The following WDR49 variants were observed in gnomAD, a reference collection of about 807,000 sequenced individuals.
WDR49 encodes WD repeat domain 49, also known as cilia- and flagella-associated protein 337.
In WDR49, 107 loss-of-function variants were observed where a neutral mutation model predicts 119.5. The observed-to-expected ratio is 0.90, with a 90% CI of 0.77 to 1.05. The LOEUF is 1.05. Among genes scored for constraint, WDR49 ranks in the 50% least tolerant of loss-of-function variants. The pLI is 0.00. For missense variants in WDR49, 1,240 were observed against 1,220.5 expected (o/e 1.02, Z -0.24); for synonymous variants, 425 against 418.8 (o/e 1.01, Z -0.18).
intron 6 of WDR49, among the ~76,000 whole-genome samples, chr3:167,604,033 T>A (rs1715911187): frequency 6.6e-6 from 1 of 152,002 alleles, no homozygotes; most frequent in Admixed American, 6.6e-5. Flanking sequence ...TCCTTCTCTA[T>A]ATCATTTTAC....
upstream of WDR49, among the ~76,000 whole-genome samples, chr3:167,655,524 A>T (rs939981141): frequency 6.6e-6 from 1 of 152,206 alleles, no homozygotes; most frequent in Non-Finnish European, 1.5e-5. Flanking sequence ...TCCTGTACCC[A>T]TTATAGAAAA....
At chr3:167,651,685 C>A (rs563318494) in intron 2 of WDR49, among the ~76,000 whole-genome samples, 133 of 152,188 alleles carry the variant, frequency 8.7e-4, no homozygotes, top group African/African-American at 3.1e-3. Flanking sequence ...ACCTTCTCTT[C>A]TCCTCTTTGG....
At chr3:167,514,628 G>GACACACACACAC (rs59265631) in intron 16 of WDR49, among the ~76,000 whole-genome samples, 2 of 140,932 alleles carry the variant, frequency 1.4e-5, no homozygotes, top group African/African-American at 2.6e-5. Context: ...AGGAGATGCA[G>GACACACACACAC]ACACACACAC....
chr3:167,508,075 G>T (rs1402321749), intron 16 of WDR49, among the ~76,000 whole-genome samples: 1 of 152,182 alleles, frequency 6.6e-6, no homozygotes, highest in Non-Finnish European at 1.5e-5. Context: ...GAGGAGGAAA[G>T]GCTCTAACTA....
chr3:167,578,748 C>A (rs2108286282), intron 7 of WDR49, among the ~76,000 whole-genome samples: 1 of 152,236 alleles, frequency 6.6e-6, no homozygotes, highest in African/African-American at 2.4e-5. Flanking sequence ...GCTATGATTT[C>A]TTTAAAGCAG....
rs1200012705 is a variant in WDR49 at position 167,629,703 on chromosome 3, TC to T, written c.166-2412del. Among the ~76,000 whole-genome samples, 5 of 152,208 alleles carry T rather than the reference TC, an allele frequency of 3.3e-5. No individual in the cohort carries two copies. The East Asian group carries it at 9.7e-4, about 29-fold the overall frequency. The stretch of plus-strand genomic sequence containing the variant: ...AATATTCATAATTCATGGGAGGAAG[TC>T]AAAATGTCAAAATTAACAGGAGTTT... On this transcript the variant is annotated intron_variant, in intron 2 of 18. Transcript: ENST00000682715.
At chr3:167,491,906 C>T (rs1751147488) in intron 18 of WDR49, among the ~76,000 whole-genome samples, 1 of 152,114 alleles carries the variant, frequency 6.6e-6, no homozygotes, top group African/African-American at 2.4e-5. Context: ...AAAAACCCAG[C>T]AGGTATGGCT....
chr3:167,575,289 C>T (rs1205281646), intron 8 of WDR49: 1 of 985,958 alleles, frequency 1.0e-6, no homozygotes, highest in East Asian at 1.1e-4. Flanking sequence ...CCAAGAAGGG[C>T]TGTGGTCTGC....
At chr3:167,509,851 A>G (rs2108218420) in intron 16 of WDR49, among the ~76,000 whole-genome samples, 1 of 152,366 alleles carries the variant, frequency 6.6e-6, no homozygotes, top group South Asian at 2.1e-4. Flanking sequence ...GTTGTTGTCC[A>G]TGGATACTCA....
rs572905271 is a variant in WDR49 at position 167,567,988 on chromosome 3, G to C, written c.1510-7760C>G. Among the ~76,000 whole-genome samples, 75 of 152,322 alleles carry C rather than the reference G, an allele frequency of 4.9e-4. No individual in the cohort carries two copies. In the South Asian group the frequency reaches 5.2e-3, roughly 11 times the overall value. On this transcript the variant is annotated intron_variant, in intron 8 of 18. Transcript: ENST00000682715. ...CAGAGGTTAGCAGCTTTATAGACAAGTGCTGTCCTGATCATAAACCTGGCT... is the reference window on the plus strand; with the variant it reads ...CAGAGGTTAGCAGCTTTATAGACAACTGCTGTCCTGATCATAAACCTGGCT...
chr3:167,495,356 A>ATATG (rs1751313614), intron 18 of WDR49, among the ~76,000 whole-genome samples: 1 of 151,284 alleles, frequency 6.6e-6, no homozygotes, highest in African/African-American at 2.4e-5. Flanking sequence ...GTATATAAAT[A>ATATG]TGTGTGTATA....
At chr3:167,526,090 C>G (rs2108236612) in intron 15 of WDR49, among the ~76,000 whole-genome samples, 1 of 152,126 alleles carries the variant, frequency 6.6e-6, no homozygotes, top group East Asian at 1.9e-4. Flanking sequence ...GATTTGCTAG[C>G]CTTCAATTTG....
chr3:167,641,286 A>T (rs1373171457), intron 2 of WDR49, among the ~76,000 whole-genome samples: 3 of 151,800 alleles, frequency 2.0e-5, no homozygotes, highest in Non-Finnish European at 2.9e-5. Flanking sequence ...TTCTAAGAAC[A>T]TTTGCTTTCC....
chr3:167,545,485 C>CAT (rs966276979), intron 10 of WDR49, among the ~76,000 whole-genome samples: 4 of 113,590 alleles, frequency 3.5e-5, no homozygotes, highest in African/African-American at 9.7e-5. Flanking sequence ...GAAAATGTAC[C>CAT]ATATATATAT....
chr3:167,599,667 AT>A (rs2108303739), intron 7 of WDR49, among the ~76,000 whole-genome samples: 1 of 152,318 alleles, frequency 6.6e-6, no homozygotes, highest in Admixed American at 6.5e-5. Context: ...GCCACCAGAG[AT>A]AGTAATATTC....
In WDR49 at chr3:167,622,207, G is replaced by A. The variant is rs191676506; in HGVS notation, c.607-564C>T. 1.5e-3 allele frequency among the ~76,000 whole-genome samples: 227 copies of A among 152,046 alleles called. 1 individual carries two copies. Among genetic ancestry groups the A allele is most frequent in the Non-Finnish European group, 7.2e-4 (49 of 67,966 alleles). The stretch of plus-strand genomic sequence containing the variant: ...TTCAATTCAACTATTATATATATGT[G>A]CAAACAACTAAAGAAAACAAGATCT... On this transcript the variant is annotated intron_variant, in intron 3 of 18. Transcript: ENST00000682715.
At chr3:167,482,186 T>C (rs1750740265) in intron 18 of WDR49, among the ~76,000 whole-genome samples, 1 of 152,120 alleles carries the variant, frequency 6.6e-6, no homozygotes, top group Non-Finnish European at 1.5e-5. Context: ...GCATTAGATA[T>C]TTTATAGAAA....
At chr3:167,619,347 A>G (rs941008395) in intron 5 of WDR49, among the ~76,000 whole-genome samples, 4 of 152,156 alleles carry the variant, frequency 2.6e-5, no homozygotes, top group African/African-American at 9.7e-5. Context: ...AACTTAACAC[A>G]TAATTTTGTG....
chr3:167,526,739 G>A (rs755755014), intron 15 of WDR49, among the ~76,000 whole-genome samples: 9 of 152,014 alleles, frequency 5.9e-5, no homozygotes, highest in Non-Finnish European at 1.2e-4. Context: ...ATCCTAAAGG[G>A]GTGCTTAGAA....
Sources: allele counts gnomAD v4.1 joint callset (sites outside exome capture counted in the v4.1 genomes callset), GRCh38; gene constraint gnomAD v4.1.1; transcripts MANE v1.5; gene names NCBI Gene and HGNC (gene_info 2026-07-23, HGNC 2026-07-21).